TENM4: variants seen among roughly 807,000 people sequenced by gnomAD.
TENM4 encodes teneurin transmembrane protein 4, also known as teneurin-4.
A neutral mutation model predicts 243.3 loss-of-function variants in TENM4; 82 were observed. The ratio of observed to expected loss-of-function variants is 0.34; its 90% CI spans 0.28 to 0.40. The LOEUF is 0.40. Among genes scored for constraint, TENM4 ranks in the 10% least tolerant of loss-of-function variants. The pLI is 1.00. For missense variants in TENM4, 3,138 were observed against 3,673.3 expected (o/e 0.85, Z 3.77); for synonymous variants, 1,412 against 1,456.3 (o/e 0.97, Z 0.69).
At chr11:79,042,553 A>G (rs1859562646) in intron 6 of TENM4, among the ~76,000 whole-genome samples, 1 of 152,156 alleles carries the variant, frequency 6.6e-6, no homozygotes, top group African/African-American at 2.4e-5. Flanking sequence ...CTCACCAGAA[A>G]CTGAATCTGT....
chr11:79,370,780 A>T (rs1183471500), intron 1 of TENM4, among the ~76,000 whole-genome samples: 4 of 26,874 alleles, frequency 1.5e-4, no homozygotes, highest in South Asian at 9.5e-4. Context: ...CTCCTATGGT[A>T]AAAAAAAAAA....
At chr11:78,844,844 A>G (rs868305634) in intron 12 of TENM4, among the ~76,000 whole-genome samples, 1 of 152,138 alleles carries the variant, frequency 6.6e-6, no homozygotes, top group Non-Finnish European at 1.5e-5. Flanking sequence ...TCTATTTTAA[A>G]CCACTCAGTT....
intron 1 of TENM4, among the ~76,000 whole-genome samples, chr11:79,416,619 G>A (rs1429403169): frequency 6.6e-6 from 1 of 152,134 alleles, no homozygotes; most frequent in Non-Finnish European, 1.5e-5. Context: ...AGGTTTACAT[G>A]CACTGTATCA....
chr11:79,220,704 C>CTTATAA (rs1000950237), intron 2 of TENM4, among the ~76,000 whole-genome samples: 4 of 152,190 alleles, frequency 2.6e-5, no homozygotes, highest in Non-Finnish European at 5.9e-5. Context: ...TGTCCAGTGT[C>CTTATAA]TTATAATTAT....
intron 6 of TENM4, among the ~76,000 whole-genome samples, chr11:78,999,464 C>T (rs1029782384): frequency 1.7e-4 from 26 of 151,604 alleles, no homozygotes; most frequent in Admixed American, 2.0e-4. Context: ...TGTAGTGAGC[C>T]GAGATCACAC....
chr11:79,299,521 C>T (rs1009190581), intron 1 of TENM4, among the ~76,000 whole-genome samples: 4 of 152,152 alleles, frequency 2.6e-5, no homozygotes, highest in East Asian at 1.9e-4. Flanking sequence ...TCAGCTTTTC[C>T]GTAAAGTGAC....
intron 1 of TENM4, among the ~76,000 whole-genome samples, chr11:79,315,855 T>C (rs1856794553): frequency 6.6e-6 from 1 of 152,172 alleles, no homozygotes; most frequent in Admixed American, 6.5e-5. Context: ...GAATAACAAA[T>C]GTTAGAGTTC....
At chr11:78,668,177 C>T (rs1380701739) in intron 32 of TENM4, among the ~76,000 whole-genome samples, 2 of 152,174 alleles carry the variant, frequency 1.3e-5, no homozygotes, top group South Asian at 2.1e-4. Context: ...TCTATTGTTG[C>T]ATGTGTTCCT....
chr11:78,813,266 C>T (rs1337913770), intron 13 of TENM4, among the ~76,000 whole-genome samples: 1 of 152,206 alleles, frequency 6.6e-6, no homozygotes, highest in Admixed American at 6.5e-5. Flanking sequence ...TCTCTGCCTT[C>T]TACTTATGAA....
intron 4 of TENM4, among the ~76,000 whole-genome samples, chr11:79,083,955 G>C (rs1236097414): frequency 6.6e-6 from 1 of 151,474 alleles, no homozygotes; most frequent in Non-Finnish European, 1.5e-5. Flanking sequence ...CTAGTATCTA[G>C]AATATATATA....
At chr11:78,880,302 G>C (rs1214608825) in intron 9 of TENM4, among the ~76,000 whole-genome samples, 1 of 152,014 alleles carries the variant, frequency 6.6e-6, no homozygotes, top group Non-Finnish European at 1.5e-5. Context: ...AAGTACCCAG[G>C]GACACAAACA....
At chr11:79,315,596 G>A (rs1856790380) in intron 1 of TENM4, among the ~76,000 whole-genome samples, 1 of 152,206 alleles carries the variant, frequency 6.6e-6, no homozygotes, top group South Asian at 2.1e-4. Flanking sequence ...ACGGCATCAG[G>A]ATCCCATGGG....
At chr11:79,118,855 C>T (rs774943056) in intron 4 of TENM4, among the ~76,000 whole-genome samples, 3 of 152,124 alleles carry the variant, frequency 2.0e-5, no homozygotes, top group Admixed American at 6.6e-5. Flanking sequence ...GCAAATAATG[C>T]TGCTATGTCC....
chr11:78,912,320 T>A (rs375377856), intron 6 of TENM4, among the ~76,000 whole-genome samples: 1 of 152,294 alleles, frequency 6.6e-6, no homozygotes, highest in East Asian at 1.9e-4. Flanking sequence ...AGTGGTGCGA[T>A]CTCAGCCCAC....
intron 6 of TENM4, among the ~76,000 whole-genome samples, chr11:79,001,241 G>C (rs561096173): frequency 6.6e-6 from 1 of 152,178 alleles, no homozygotes; most frequent in African/African-American, 2.4e-5. Flanking sequence ...CTGCCACTGA[G>C]AGGCTGGGAC....
intron 1 of TENM4, among the ~76,000 whole-genome samples, chr11:79,402,897 T>A (rs1229826575): frequency 6.6e-6 from 1 of 152,240 alleles, no homozygotes; most frequent in African/African-American, 2.4e-5. Flanking sequence ...CTCAATAAAT[T>A]CTTGTTGAAC....
chr11:78,841,367 C>A (rs1190631761), intron 12 of TENM4, among the ~76,000 whole-genome samples: 1 of 152,196 alleles, frequency 6.6e-6, no homozygotes, highest in Admixed American at 6.5e-5. Context: ...CACCTTGAGA[C>A]TGCCTTCACA....
At chr11:79,067,256 C>T (rs751188317) in intron 5 of TENM4, among the ~76,000 whole-genome samples, 2 of 152,322 alleles carry the variant, frequency 1.3e-5, no homozygotes, top group East Asian at 3.9e-4. Context: ...AATCTGCCCT[C>T]CGATTTTGCT....
In TENM4 at chr11:79,095,735, A is replaced by C. The variant is rs925687536; in HGVS notation, c.-65-25726T>G. The stretch of plus-strand genomic sequence containing the variant: ...GCCATTGTAGTACTAGTTTCCATTT[A>C]AAGACACATGCCCAAGAGGTGCTGG... On this transcript the variant is annotated intron_variant, in intron 4 of 33. Transcript: ENST00000278550. Among the ~76,000 whole-genome samples the C allele has an allele frequency of 3.3e-5, 5 of 152,246 alleles. No homozygotes were observed. In the East Asian group the frequency reaches 9.6e-4, roughly 29 times the overall value.
Sources: gnomAD v4.1 joint callset for allele counts (sites outside exome capture counted in the v4.1 genomes callset) on GRCh38, gnomAD v4.1.1 for gene constraint, MANE v1.5 for transcripts, NCBI Gene and HGNC (gene_info 2026-07-23, HGNC 2026-07-21) for gene names.